Variants in RNF115 observed in about 807,000 individuals in gnomAD.
RNF115 encodes the protein ring finger protein 115.
Under a neutral mutation model 39.2 loss-of-function variants are expected in RNF115, and 31 were observed. The ratio of observed to expected loss-of-function variants is 0.79; its 90% CI spans 0.59 to 1.07. The LOEUF is 1.07. RNF115 is among the 50% of genes least tolerant of loss of function. The probability of loss-of-function intolerance (pLI) is 0.00; values close to 1 mark genes in which losing one functional copy is unlikely to be tolerated. For missense variants in RNF115, 384 were observed against 381.7 expected (o/e 1.01, Z -0.05); for synonymous variants, 124 against 131.0 (o/e 0.95, Z 0.37).
chr1:145,752,982 A>C lies in RNF115; in HGVS notation c.496T>G (p.Ser166Ala), dbSNP rs782416502. ...AGAAAACAATTAGTTACTTACCAGGAAAAAGGGTGTGGAGATCCAGGAATG... is the reference window on the plus strand; with the variant it reads ...AGAAAACAATTAGTTACTTACCAGGCAAAAGGGTGTGGAGATCCAGGAATG... ...SAIPGSPHPF[S>A]WSGMLHSNPG... The change falls in exon 5 of 9, where the codon TCC becomes GCC. Residue 166 changes from serine (S) to alanine (A), a missense_variant. Transcript: ENST00000582693. 1.6e-5 allele frequency: 26 copies of C among 1,588,846 alleles called. No individual in the cohort carries two copies. In the Middle Eastern group the frequency reaches 2.3e-3, roughly 142 times the overall value.
At chr1:145,812,231 A>G (rs1252239118) in intron 1 of RNF115, among the ~76,000 whole-genome samples, 5 of 149,990 alleles carry the variant, frequency 3.3e-5, no homozygotes, top group African/African-American at 1.2e-4. Flanking sequence ...AGTCTATTCA[A>G]ATCTGTACAA....
intron 3 of RNF115, 113 bp downstream of exon 3, chr1:145,784,426 C>T: frequency 2.1e-6 from 2 of 955,642 alleles, no homozygotes; most frequent in Admixed American, 2.0e-5. Flanking sequence ...CACATTTTTT[C>T]TTATACATTC....
At chr1:145,807,921 A>G (rs782515628) in intron 1 of RNF115, among the ~76,000 whole-genome samples, 9 of 152,110 alleles carry the variant, frequency 5.9e-5, no homozygotes, top group Non-Finnish European at 1.0e-4. Context: ...TAGCTCCCAC[A>G]TATGAGTGGG....
At chr1:145,803,917 A>G (rs1282800999) in intron 1 of RNF115, among the ~76,000 whole-genome samples, 1 of 152,252 alleles carries the variant, frequency 6.6e-6, no homozygotes, top group African/African-American at 2.4e-5. Context: ...GAAAATGTTA[A>G]TTAACCTCAG....
chr1:145,806,659 C>A (rs1186463125), intron 1 of RNF115, among the ~76,000 whole-genome samples: 2 of 152,020 alleles, frequency 1.3e-5, no homozygotes, highest in Non-Finnish European at 2.9e-5. Context: ...GAGTGTGGTA[C>A]CCCTCCCCTT....
chr1:145,761,423 A>C (rs1373824221), intron 4 of RNF115, among the ~76,000 whole-genome samples: 3 of 152,200 alleles, frequency 2.0e-5, no homozygotes, highest in Non-Finnish European at 2.9e-5. Context: ...TGTGCAGCCT[A>C]GGGACTTGGT....
chr1:145,794,503 T>TTTG, intron 1 of RNF115, among the ~76,000 whole-genome samples: 1 of 54,638 alleles, frequency 1.8e-5, no homozygotes, highest in African/African-American at 8.4e-5. Context: ...AATCTCTTTC[T>TTTG]TTTTTTTTTT....
Position 145,780,656 on chromosome 1 carries a change from T to C in RNF115, c.219+3883A>G, listed in dbSNP as rs1422715647. Among the ~76,000 whole-genome samples, 6 of 138,980 alleles carry C rather than the reference T, an allele frequency of 4.3e-5. No homozygotes were observed. The East Asian group carries it at 1.2e-3, about 29-fold the overall frequency. 91.2% of individuals were successfully genotyped at this position (138,980 alleles called of 152,430 possible). A position where few individuals can be genotyped will look rare whatever the true frequency, so the allele number is the denominator to read the frequency against. ...AAAAAAAAAAAAGTGAAACTCAAGATACATATTTTTAAATTTTTTACTGCC... is the reference window on the plus strand; with the variant it reads ...AAAAAAAAAAAAGTGAAACTCAAGACACATATTTTTAAATTTTTTACTGCC... On this transcript the variant is annotated intron_variant, in intron 3 of 8. Transcript: ENST00000582693.
At chr1:145,804,799 C>G (rs991478790) in intron 1 of RNF115, among the ~76,000 whole-genome samples, 1 of 152,030 alleles carries the variant, frequency 6.6e-6, no homozygotes, top group African/African-American at 2.4e-5. Flanking sequence ...TTTTCAGAAC[C>G]ATTAATATGC....
At chr1:145,777,543 C>A (rs993076017) in intron 3 of RNF115, among the ~76,000 whole-genome samples, 4 of 151,974 alleles carry the variant, frequency 2.6e-5, no homozygotes, top group African/African-American at 2.4e-5. Context: ...CAAATTTATA[C>A]CAAATCAGCA....
At chr1:145,773,187 T>C (rs1439503732) in intron 3 of RNF115, 3 of 152,242 alleles carry the variant, frequency 2.0e-5, no homozygotes, top group African/African-American at 7.2e-5. Context: ...TTTTGTCTAG[T>C]AATTCTAGTA....
chr1:145,780,448 G>C (rs994315628), intron 3 of RNF115, among the ~76,000 whole-genome samples: 1 of 151,534 alleles, frequency 6.6e-6, no homozygotes, highest in Non-Finnish European at 1.5e-5. Context: ...GTGAAACCCC[G>C]TCTCTACTAA....
chr1:145,821,381 A>G (rs1440188354), intron 1 of RNF115, among the ~76,000 whole-genome samples: 2 of 129,188 alleles, frequency 1.5e-5, no homozygotes, highest in African/African-American at 2.6e-5. Context: ...TTTTCAAATT[A>G]TCCCTTTGAA....
chr1:145,775,107 T>A (rs981492837), intron 3 of RNF115, among the ~76,000 whole-genome samples: 2 of 152,060 alleles, frequency 1.3e-5, no homozygotes, highest in Admixed American at 1.3e-4. Context: ...ATTAGCTAAG[T>A]GTGGTAGCAA....
At chr1:145,792,982 C>T (rs1333204633) in intron 1 of RNF115, among the ~76,000 whole-genome samples, 1 of 152,138 alleles carries the variant, frequency 6.6e-6, no homozygotes, top group Non-Finnish European at 1.5e-5. Context: ...TCCTTCATCC[C>T]CTACCCTCCC....
At chr1:145,761,900 G>T (rs1360266444) in intron 4 of RNF115, among the ~76,000 whole-genome samples, 2 of 152,188 alleles carry the variant, frequency 1.3e-5, no homozygotes, top group Non-Finnish European at 2.9e-5. Context: ...CTACAGGGGT[G>T]GAGCTGCCCA....
Position 145,797,482 on chromosome 1 carries a change from G to A in RNF115, c.103-8516C>T, listed in dbSNP as rs933006455. On this transcript the variant is annotated intron_variant, in intron 1 of 8. Transcript: ENST00000582693. ...TTCACCCACACTGTCGCATATGACA[G>A]GATTTATTTCCTTTTTAAAGCTAAA... Among the ~76,000 whole-genome samples the A allele has an allele frequency of 2.6e-5, 4 of 152,142 alleles. No individual in the cohort carries two copies. In the East Asian group the frequency reaches 5.8e-4, roughly 22 times the overall value.
intron 1 of RNF115, among the ~76,000 whole-genome samples, chr1:145,823,461 G>A (rs1420554587): frequency 6.7e-6 from 1 of 148,884 alleles, no homozygotes; most frequent in Non-Finnish European, 1.5e-5. Flanking sequence ...AGGTATAAAA[G>A]AATGCAAGAA....
At chr1:145,788,874 G>A (rs375444724) in intron 2 of RNF115, 34 bp downstream of exon 2, 15 of 1,469,506 alleles carry the variant, frequency 1.0e-5, no homozygotes, top group Non-Finnish European at 1.4e-5. Context: ...TTTGATAATA[G>A]AATGTCTGAT....
Sources: gnomAD v4.1 joint callset for allele counts (sites outside exome capture counted in the v4.1 genomes callset) on GRCh38, gnomAD v4.1.1 for gene constraint, MANE v1.5 for transcripts, NCBI Gene and HGNC (gene_info 2026-07-23, HGNC 2026-07-21) for gene names.